Variants in UPK1B observed in about 807,000 individuals in gnomAD.
The protein encoded by UPK1B is uroplakin-1b.
In UPK1B, 28 loss-of-function variants were observed where a neutral mutation model predicts 34.2. That is an observed-to-expected ratio of 0.82 (90% confidence interval 0.61 to 1.12). The LOEUF (loss-of-function observed/expected upper bound fraction) is 1.12. Among genes scored for constraint, UPK1B ranks in the 50% most tolerant of loss-of-function variants. UPK1B has a pLI of 0.00. For synonymous variants in UPK1B, 81 were observed against 110.4 expected, an observed-to-expected ratio of 0.73 and a Z score of 1.67; for missense variants, 325 against 320.9, an observed-to-expected ratio of 1.01 and a Z score of -0.10.
At chr3:119,181,177 A>C (rs187442375) in intron 1 of UPK1B, among the ~76,000 whole-genome samples, 2 of 152,302 alleles carry the variant, frequency 1.3e-5, no homozygotes, top group East Asian at 3.9e-4. Context: ...AGAGCTGGTG[A>C]GAAGATGCTC....
chr3:119,191,786 T>C (rs1278915507), intron 5 of UPK1B, among the ~76,000 whole-genome samples: 1 of 152,210 alleles, frequency 6.6e-6, no homozygotes, highest in Non-Finnish European at 1.5e-5. Flanking sequence ...GACCTGGAAA[T>C]TGGCTAGGTG....
chr3:119,198,498 T>C (rs541423656), intron 6 of UPK1B, among the ~76,000 whole-genome samples: 2 of 152,244 alleles, frequency 1.3e-5, no homozygotes, highest in Non-Finnish European at 2.9e-5. Context: ...TTCCTTTGCA[T>C]GCTCACTGTG....
chr3:119,203,977 G>A lies in UPK1B; in HGVS notation c.*10G>A. 6.2e-7 allele frequency: 1 copy of A among 1,613,746 alleles called. No homozygotes were observed. The highest frequency in any genetic ancestry group is 8.5e-7 in the Non-Finnish European group (1 of 1,179,942). On this transcript the variant is annotated 3_prime_UTR_variant, in exon 8 of 8. Coordinates refer to ENST00000264234, the MANE Select transcript of UPK1B (RefSeq NM_006952.4). ...CAGAATTGAATATTAAGCATAAAGT[G>A]TTGCCACCATACCTCCTTCCCCGAG... is the stretch of plus-strand genomic sequence containing the variant.
chr3:119,189,871 C>T (rs1245952330), intron 3 of UPK1B, among the ~76,000 whole-genome samples: 3 of 152,354 alleles, frequency 2.0e-5, no homozygotes, highest in South Asian at 2.1e-4. Context: ...GACTCTCTTG[C>T]CACTCACTGA....
At chr3:119,197,890 T>G (rs554209982) in intron 6 of UPK1B, among the ~76,000 whole-genome samples, 1 of 152,244 alleles carries the variant, frequency 6.6e-6, no homozygotes, top group Non-Finnish European at 1.5e-5. Context: ...AGGTTTGAAT[T>G]AAGTGAGAAA....
At chr3:119,192,011 T>C (rs2078047071) in intron 5 of UPK1B, among the ~76,000 whole-genome samples, 1 of 152,090 alleles carries the variant, frequency 6.6e-6, no homozygotes, top group African/African-American at 2.4e-5. Context: ...CTCAGCAACA[T>C]TTAGTCTCAC....
At chr3:119,201,952 T>A (rs1317701426) in intron 7 of UPK1B, among the ~76,000 whole-genome samples, 1 of 152,216 alleles carries the variant, frequency 6.6e-6, no homozygotes, top group Non-Finnish European at 1.5e-5. Context: ...TGTGGGATAA[T>A]GTTTAAAGGC....
intron 1 of UPK1B, among the ~76,000 whole-genome samples, chr3:119,185,827 C>A (rs2078015384): frequency 6.6e-6 from 1 of 152,170 alleles, no homozygotes. Context: ...ACACACTTAC[C>A]TTTGTGTTCC....
chr3:119,200,874 C>A (rs2078087752), intron 7 of UPK1B, among the ~76,000 whole-genome samples: 1 of 152,128 alleles, frequency 6.6e-6, no homozygotes, highest in Admixed American at 6.5e-5. Flanking sequence ...CATGCAAGTG[C>A]TTTTAAGACA....
chr3:119,189,974 A>T (rs887228660), intron 3 of UPK1B, among the ~76,000 whole-genome samples: 1 of 152,202 alleles, frequency 6.6e-6, no homozygotes, highest in Non-Finnish European at 1.5e-5. Context: ...ATTCTCTTGT[A>T]CTTGTTTTTC....
In UPK1B at chr3:119,190,235, T is replaced by G; in HGVS notation, c.271-10T>G. On this transcript the variant is annotated splice_polypyrimidine_tract_variant and intron_variant, in intron 3 of 7. Coordinates refer to ENST00000264234, the MANE Select transcript of UPK1B (RefSeq NM_006952.4). The stretch of plus-strand genomic sequence containing the variant: ...ATGTAATTCTTTTATCTCATTTATT[T>G]CCCTTCCAGTATTTCATTCTGATGT... 6.3e-7 allele frequency: 1 copy of G among 1,582,022 alleles called. No individual in the cohort carries two copies. Among genetic ancestry groups the G allele is most frequent in the Non-Finnish European group, 8.6e-7 (1 of 1,159,592 alleles).
chr3:119,179,400 A>ATAT (rs71297416), intron 1 of UPK1B, among the ~76,000 whole-genome samples: 17 of 20,060 alleles, frequency 8.5e-4, no homozygotes, highest in Non-Finnish European at 2.0e-3. Flanking sequence ...TATATATATT[A>ATAT]ATTCTAAGGA....
intron 7 of UPK1B, among the ~76,000 whole-genome samples, chr3:119,199,912 CAT>C (rs1490337022): frequency 1.3e-5 from 2 of 152,106 alleles, no homozygotes; most frequent in Non-Finnish European, 2.9e-5. Flanking sequence ...TGGAAATTAA[CAT>C]AGAAAAATTT....
At chr3:119,183,994 T>A (rs757417769) in intron 1 of UPK1B, among the ~76,000 whole-genome samples, 16 of 152,294 alleles carry the variant, frequency 1.1e-4, no homozygotes, top group Non-Finnish European at 1.8e-4. Flanking sequence ...TCTTGCCCAC[T>A]GACATATCAC....
At chr3:119,202,000 T>G (rs1165037372) in intron 7 of UPK1B, among the ~76,000 whole-genome samples, 1 of 152,216 alleles carries the variant, frequency 6.6e-6, no homozygotes, top group African/African-American at 2.4e-5. Context: ...TTGTAACCCT[T>G]GATTTTCCAC....
chr3:119,178,377 C>T lies in UPK1B; in HGVS notation c.-29+4739C>T, dbSNP rs149423189. 9.4e-3 allele frequency among the ~76,000 whole-genome samples: 1,424 copies of T among 152,212 alleles called. 18 individuals carry two copies. Among genetic ancestry groups the T allele is most frequent in the African/African-American group, 0.032 (1,331 of 41,528 alleles). ...AAGTAAGTAGGAGCTGGTGGCTGGG[C>T]TTGTAAGTGCAGAGGGAATGACCGA... On this transcript the variant is annotated intron_variant, in intron 1 of 7. Coordinates refer to ENST00000264234, the MANE Select transcript of UPK1B (RefSeq NM_006952.4).
chr3:119,198,684 A>T (rs1048903805), intron 6 of UPK1B, among the ~76,000 whole-genome samples: 2 of 152,254 alleles, frequency 1.3e-5, no homozygotes, highest in Non-Finnish European at 2.9e-5. Flanking sequence ...TCAAAAAGTA[A>T]CTGCCTCCAA....
Position 119,199,118 on chromosome 3 carries a change from G to T in UPK1B, c.710G>T (p.Gly237Val). The T allele has an allele frequency of 6.2e-7, 1 of 1,614,132 alleles. No homozygotes were observed. The highest frequency in any genetic ancestry group is 8.5e-7 in the Non-Finnish European group (1 of 1,180,018). The change falls in exon 7 of 8, where the codon GGA becomes GTA. Residue 237 changes from glycine (G) to valine (V), a missense_variant. Physicochemically the swap from Gly to Val is moderately radical, Grantham distance 109. Coordinates refer to ENST00000264234, the MANE Select transcript of UPK1B (RefSeq NM_006952.4). ...NRHAWGVAWFGFAILCWTFWV... is the reference protein window; with the variant it reads ...NRHAWGVAWFVFAILCWTFWV... Reference sequence around the variant, plus strand: ...CACGCCTGGGGGGTTGCCTGGTTTGGATTTGCCATTCTCTGCTGGACTGTG... The same window carrying T: ...CACGCCTGGGGGGTTGCCTGGTTTGTATTTGCCATTCTCTGCTGGACTGTG...
At chr3:119,192,706 C>T (rs1352049604) in intron 5 of UPK1B, among the ~76,000 whole-genome samples, 1 of 152,196 alleles carries the variant, frequency 6.6e-6, no homozygotes, top group Admixed American at 6.5e-5. Flanking sequence ...TGTTATGTCA[C>T]ACAGGCTGTC....
Sources: gnomAD v4.1 joint callset for allele counts (sites outside exome capture counted in the v4.1 genomes callset) on GRCh38, gnomAD v4.1.1 for gene constraint, MANE v1.5 for transcripts, NCBI Gene and HGNC (gene_info 2026-07-23, HGNC 2026-07-21) for gene names.